Variants in APP observed in about 807,000 individuals in gnomAD.
The protein encoded by APP is amyloid beta precursor protein.
Under a neutral mutation model 101.4 loss-of-function variants are expected in APP, and 31 were observed. The observed-to-expected ratio is 0.31, with a 90% CI of 0.23 to 0.41. The LOEUF (loss-of-function observed/expected upper bound fraction) is 0.41. Ranked by LOEUF, APP falls within the 10% of genes least tolerant of loss-of-function variation. APP has a pLI of 1.00. For missense variants in APP, 839 were observed against 1,003.7 expected (o/e 0.84, Z 2.22); for synonymous variants, 366 against 364.4 (o/e 1.00, Z -0.05).
At chr21:26,075,368 C>T (rs1004971671) in intron 3 of APP, among the ~76,000 whole-genome samples, 5 of 152,180 alleles carry the variant, frequency 3.3e-5, no homozygotes, top group African/African-American at 1.2e-4. Flanking sequence ...CACAATATAG[C>T]TGCACAATTA....
At chr21:25,900,260 C>T (rs901568686) in intron 15 of APP, among the ~76,000 whole-genome samples, 7 of 151,920 alleles carry the variant, frequency 4.6e-5, no homozygotes, top group Admixed American at 2.6e-4. Context: ...GTGCCAAGCA[C>T]GGTGGCTCAC....
chr21:26,051,814 G>A (rs548190175), intron 4 of APP, among the ~76,000 whole-genome samples: 9 of 152,300 alleles, frequency 5.9e-5, no homozygotes, highest in African/African-American at 1.7e-4. Flanking sequence ...AGTTCTGAGA[G>A]CATCCACTAG....
intron 13 of APP, among the ~76,000 whole-genome samples, chr21:25,937,478 C>A (rs2040407178): frequency 6.6e-6 from 1 of 152,186 alleles, no homozygotes; most frequent in Non-Finnish European, 1.5e-5. Context: ...CTTTTACAGT[C>A]CATCATTTAC....
intron 13 of APP, among the ~76,000 whole-genome samples, chr21:25,940,180 A>C (rs988640322): frequency 6.6e-6 from 1 of 152,198 alleles, no homozygotes; most frequent in African/African-American, 2.4e-5. Context: ...AACAGGAGTC[A>C]GAGAAGGGGA....
intron 5 of APP, among the ~76,000 whole-genome samples, chr21:26,041,848 T>C (rs75463229): frequency 0.043 from 2 of 46 alleles, no homozygotes; most frequent in African/African-American, 0.071. Flanking sequence ...CATTTCTAAA[T>C]AAGGACCTCA....
At chr21:25,956,287 A>G (rs2146495800) in intron 11 of APP, among the ~76,000 whole-genome samples, 1 of 152,330 alleles carries the variant, frequency 6.6e-6, no homozygotes, top group Admixed American at 6.5e-5. Context: ...TTCTAGGAGA[A>G]AGGCCATTGC....
intron 17 of APP, among the ~76,000 whole-genome samples, chr21:25,882,547 G>A (rs1366671526): frequency 6.6e-6 from 1 of 151,582 alleles, no homozygotes; most frequent in Non-Finnish European, 1.5e-5. Flanking sequence ...TTCTCCCCCT[G>A]TCACTGTTAG....
At chr21:26,160,299 A>G (rs2063464888) in intron 1 of APP, among the ~76,000 whole-genome samples, 2 of 152,200 alleles carry the variant, frequency 1.3e-5, no homozygotes, top group African/African-American at 4.8e-5. Context: ...CTTTACATTC[A>G]AACACCCTAT....
At chr21:25,994,397 T>C (rs1159550137) in intron 8 of APP, among the ~76,000 whole-genome samples, 1 of 152,178 alleles carries the variant, frequency 6.6e-6, no homozygotes, top group African/African-American at 2.4e-5. Flanking sequence ...CTTATATTTG[T>C]GGTTTAGATT....
At chr21:26,038,606 A>C (rs941891522) in intron 5 of APP, among the ~76,000 whole-genome samples, 2 of 152,166 alleles carry the variant, frequency 1.3e-5, no homozygotes, top group Non-Finnish European at 2.9e-5. Flanking sequence ...TCTACTAAAA[A>C]TGTAAAAACT....
At chr21:25,913,985 T>C (rs964654464) in intron 13 of APP, among the ~76,000 whole-genome samples, 1 of 152,116 alleles carries the variant, frequency 6.6e-6, no homozygotes, top group Non-Finnish European at 1.5e-5. Context: ...TTCCAACAGT[T>C]TGCTGGAGAT....
At chr21:25,927,306 T>C (rs1338779452) in intron 13 of APP, among the ~76,000 whole-genome samples, 2 of 147,060 alleles carry the variant, frequency 1.4e-5, no homozygotes, top group Non-Finnish European at 3.0e-5. Context: ...TAGGTTTCCC[T>C]TTCTCAGGAT....
chr21:26,120,073 C>T (rs1019497985), intron 1 of APP, among the ~76,000 whole-genome samples: 5 of 152,090 alleles, frequency 3.3e-5, no homozygotes, highest in African/African-American at 1.2e-4. Context: ...CAAGCTAAGC[C>T]GGGATCAGCT....
chr21:26,044,268 G>A (rs561145478), intron 5 of APP, among the ~76,000 whole-genome samples: 3 of 152,278 alleles, frequency 2.0e-5, no homozygotes, highest in South Asian at 2.1e-4. Flanking sequence ...TAGCCACTGC[G>A]CTCAAGTCTG....
At chr21:26,061,669 A>C (rs1430208853) in intron 3 of APP, among the ~76,000 whole-genome samples, 2 of 152,208 alleles carry the variant, frequency 1.3e-5, no homozygotes, top group East Asian at 3.8e-4. Context: ...CATCCTTTTA[A>C]AAAGTGGCTG....
chr21:25,957,190 C>A (rs1354784004), intron 11 of APP, among the ~76,000 whole-genome samples: 2 of 152,322 alleles, frequency 1.3e-5, no homozygotes, highest in Non-Finnish European at 2.9e-5. Context: ...TCACAGCTTG[C>A]AACAGTTCTT....
At chr21:26,054,103 T>C (rs757969567) in intron 3 of APP, among the ~76,000 whole-genome samples, 1 of 152,216 alleles carries the variant, frequency 6.6e-6, no homozygotes, top group Non-Finnish European at 1.5e-5. Flanking sequence ...TTAGCACAGA[T>C]TCTTGCACAT....
chr21:25,990,059 G>A (rs1369706526), intron 8 of APP, among the ~76,000 whole-genome samples: 1 of 152,064 alleles, frequency 6.6e-6, no homozygotes, highest in Non-Finnish European at 1.5e-5. Flanking sequence ...AATACAGTTT[G>A]TGATCCTCCA....
intron 1 of APP, among the ~76,000 whole-genome samples, chr21:26,170,115 C>G (rs1300503893): frequency 1.3e-5 from 2 of 152,168 alleles, no homozygotes; most frequent in Non-Finnish European, 2.9e-5. Flanking sequence ...CTCCTCCTCC[C>G]CAGGGCCCAA....
Sources: gnomAD v4.1 joint callset for allele counts (sites outside exome capture counted in the v4.1 genomes callset) on GRCh38, gnomAD v4.1.1 for gene constraint, MANE v1.5 for transcripts, NCBI Gene and HGNC (gene_info 2026-07-23, HGNC 2026-07-21) for gene names.